The following ZFPM2 variants were observed in gnomAD, a reference collection of about 807,000 sequenced individuals.
The protein encoded by ZFPM2 is zinc finger protein, FOG family member 2.
Under a neutral mutation model 98.6 loss-of-function variants are expected in ZFPM2, and 20 were observed. That is an observed-to-expected ratio of 0.20 (90% CI 0.14 to 0.29). ZFPM2 has a LOEUF of 0.29. Ranked by LOEUF, ZFPM2 falls within the 10% of genes least tolerant of loss-of-function variation. ZFPM2 has a pLI of 1.00. For synonymous variants in ZFPM2, 518 were observed against 502.7 expected (o/e 1.03, Z -0.41); for missense variants, 1,310 against 1,388.6 (o/e 0.94, Z 0.90).
At chr8:105,397,182 C>T (rs1811240181) in intron 1 of ZFPM2, among the ~76,000 whole-genome samples, 1 of 152,124 alleles carries the variant, frequency 6.6e-6, no homozygotes, top group African/African-American at 2.4e-5. Context: ...CTTTCAGCTC[C>T]TCCCTTTTAC....
At chr8:105,731,616 C>T (rs1563540624) in intron 5 of ZFPM2, among the ~76,000 whole-genome samples, 1 of 151,392 alleles carries the variant, frequency 6.6e-6, no homozygotes, top group African/African-American at 2.4e-5. Flanking sequence ...CTTATGATTA[C>T]TGTAAATAGA....
intron 5 of ZFPM2, among the ~76,000 whole-genome samples, chr8:105,671,415 T>G (rs1586187630): frequency 6.6e-6 from 1 of 152,070 alleles, no homozygotes; most frequent in Non-Finnish European, 1.5e-5. Flanking sequence ...CAATTTAAAC[T>G]AATAATTATT....
chr8:105,584,250 C>T (rs928935327), intron 4 of ZFPM2, among the ~76,000 whole-genome samples: 1 of 151,992 alleles, frequency 6.6e-6, no homozygotes, highest in African/African-American at 2.4e-5. Flanking sequence ...TTTGAAAACA[C>T]AGGATGACTA....
intron 1 of ZFPM2, among the ~76,000 whole-genome samples, chr8:105,357,424 T>C (rs1812769525): frequency 6.6e-6 from 1 of 152,220 alleles, no homozygotes; most frequent in South Asian, 2.1e-4. Flanking sequence ...CTTATGCCTT[T>C]TTGCTTTTAT....
intron 3 of ZFPM2, among the ~76,000 whole-genome samples, chr8:105,485,824 G>A (rs1232039512): frequency 6.6e-6 from 1 of 152,164 alleles, no homozygotes; most frequent in Non-Finnish European, 1.5e-5. Flanking sequence ...ATCCAGACAA[G>A]GAGACTGAAA....
At chr8:105,765,571 A>C (rs1303935540) in intron 5 of ZFPM2, among the ~76,000 whole-genome samples, 1 of 151,814 alleles carries the variant, frequency 6.6e-6, no homozygotes, top group Non-Finnish European at 1.5e-5. Flanking sequence ...TGTTGCACCA[A>C]ATGGTAGAAG....
At chr8:105,740,580 T>C (rs1812189988) in intron 5 of ZFPM2, among the ~76,000 whole-genome samples, 1 of 148,310 alleles carries the variant, frequency 6.7e-6, no homozygotes, top group African/African-American at 2.4e-5. Flanking sequence ...TATGTATATA[T>C]AAAATTATTT....
intron 2 of ZFPM2, among the ~76,000 whole-genome samples, chr8:105,442,478 G>T (rs1380254546): frequency 6.6e-6 from 1 of 152,088 alleles, no homozygotes; most frequent in Non-Finnish European, 1.5e-5. Flanking sequence ...ATATCATCCT[G>T]CACCTACCAC....
intron 1 of ZFPM2, among the ~76,000 whole-genome samples, chr8:105,393,366 C>CT (rs1445639771): frequency 1.9e-5 from 2 of 107,252 alleles, no homozygotes; most frequent in Admixed American, 1.2e-4. Context: ...TTCTTTCTTT[C>CT]TTTCTTTCTT....
rs553951947 is a variant in ZFPM2 at position 105,582,406 on chromosome 8, GACTTAGCAGTGCA to G, written c.420+20929_420+20941del. On this transcript the variant is annotated intron_variant, in intron 4 of 7. Coordinates refer to ENST00000407775, the MANE Select transcript of ZFPM2 (RefSeq NM_012082.4). Reference sequence around the variant, plus strand: ...TGGCAAAGTGAGTGTGAGGGAAGGGGACTTAGCAGTGCAACTGGCATCTAGTTGAGAGAGGCCA... The same window carrying G: ...TGGCAAAGTGAGTGTGAGGGAAGGGGACTGGCATCTAGTTGAGAGAGGCCA... Among the ~76,000 whole-genome samples, 4 of 152,272 alleles carry G rather than the reference GACTTAGCAGTGCA, an allele frequency of 2.6e-5. No homozygotes were observed. In the East Asian group the frequency reaches 7.7e-4, roughly 29 times the overall value.
intron 3 of ZFPM2, among the ~76,000 whole-genome samples, chr8:105,489,768 AAAG>A (rs1813321818): frequency 6.6e-6 from 1 of 151,884 alleles, no homozygotes. Flanking sequence ...CTGACCCAAA[AAAG>A]CTGTATTTTA....
chr8:105,748,269 T>C (rs1377687721), intron 5 of ZFPM2, among the ~76,000 whole-genome samples: 1 of 151,976 alleles, frequency 6.6e-6, no homozygotes, highest in Non-Finnish European at 1.5e-5. Context: ...CATTGTAGAA[T>C]AGGCAAAAAA....
intron 4 of ZFPM2, among the ~76,000 whole-genome samples, chr8:105,585,273 A>G (rs1007523381): frequency 2.6e-5 from 4 of 152,236 alleles, no homozygotes; most frequent in African/African-American, 7.2e-5. Flanking sequence ...GAATGTGAAT[A>G]ATAGTATATG....
In ZFPM2 at chr8:105,525,400, G is replaced by A. The variant is rs6985735; in HGVS notation, c.302-35963G>A. On this transcript the variant is annotated intron_variant, in intron 3 of 7. Transcript: ENST00000407775. ...TATTTTAAAAGATGATAAAGGTGAG[G>A]GGGCTATTCCGTGCCAGTCACCTGA... 2.3e-3 allele frequency among the ~76,000 whole-genome samples: 349 copies of A among 152,248 alleles called. 2 individuals carry two copies. Among genetic ancestry groups the A allele is most frequent in the African/African-American group, 8.2e-3 (341 of 41,558 alleles).
At chr8:105,392,467 G>T (rs564175153) in intron 1 of ZFPM2, among the ~76,000 whole-genome samples, 1 of 152,118 alleles carries the variant, frequency 6.6e-6, no homozygotes, top group South Asian at 2.1e-4. Flanking sequence ...AAGCCACATC[G>T]TAGCACATAT....
chr8:105,352,579 A>C (rs1421869350), intron 1 of ZFPM2, among the ~76,000 whole-genome samples: 1 of 146,294 alleles, frequency 6.8e-6, no homozygotes, highest in Admixed American at 6.8e-5. Context: ...AGAAGTTCCC[A>C]TTTTACCGTT....
intron 4 of ZFPM2, among the ~76,000 whole-genome samples, chr8:105,566,655 G>T (rs938323360): frequency 6.6e-6 from 1 of 152,144 alleles, no homozygotes; most frequent in Non-Finnish European, 1.5e-5. Context: ...AATTTAAATG[G>T]CGTTTGCCCT....
chr8:105,330,867 C>T (rs923077363), intron 1 of ZFPM2, among the ~76,000 whole-genome samples: 27 of 149,784 alleles, frequency 1.8e-4, no homozygotes, highest in Non-Finnish European at 3.1e-4. Flanking sequence ...CTTGTAAAAT[C>T]GCTGTGTAAG....
At chr8:105,431,044 C>T (rs1195207695) in intron 2 of ZFPM2, among the ~76,000 whole-genome samples, 1 of 151,906 alleles carries the variant, frequency 6.6e-6, no homozygotes, top group Non-Finnish European at 1.5e-5. Context: ...GCTGGGACTA[C>T]AGGCGCCCCC....
Sources: allele counts gnomAD v4.1 joint callset (sites outside exome capture counted in the v4.1 genomes callset), GRCh38; gene constraint gnomAD v4.1.1; transcripts MANE v1.5; gene names NCBI Gene and HGNC (gene_info 2026-07-23, HGNC 2026-07-21).